Variants in PCDH9 observed in about 807,000 individuals in gnomAD.
The protein encoded by PCDH9 is protocadherin 9.
PCDH9 carries 24 observed loss-of-function variants against 70.6 expected under a neutral mutation model. That is an observed-to-expected ratio of 0.34 (90% CI 0.25 to 0.48). PCDH9 has a LOEUF of 0.48. Ranked by LOEUF, PCDH9 falls within the 20% of genes least tolerant of loss-of-function variation. The probability of loss-of-function intolerance (pLI) is 0.99; values close to 1 mark genes in which losing one functional copy is unlikely to be tolerated. For missense variants in PCDH9, 1,281 were observed against 1,503.6 expected (o/e 0.85, Z 2.45); for synonymous variants, 562 against 558.5 (o/e 1.01, Z -0.09).
intron 4 of PCDH9, among the ~76,000 whole-genome samples, chr13:66,370,509 A>G (rs1274622360): frequency 7.0e-6 from 1 of 143,228 alleles, no homozygotes; most frequent in Non-Finnish European, 1.5e-5. Flanking sequence ...TTATTTATGT[A>G]TTCATTTTTT....
intron 4 of PCDH9, among the ~76,000 whole-genome samples, chr13:66,482,250 G>A (rs941757509): frequency 4.6e-5 from 7 of 152,276 alleles, no homozygotes; most frequent in Middle Eastern, 3.4e-3. Context: ...AGAGCCAGTC[G>A]CTTTCTTCTT....
intron 3 of PCDH9, among the ~76,000 whole-genome samples, chr13:66,639,159 C>T (rs1199225505): frequency 6.6e-6 from 1 of 152,180 alleles, no homozygotes; most frequent in Non-Finnish European, 1.5e-5. Context: ...TTTGTCTGCA[C>T]TCTACTTACT....
At chr13:66,319,661 G>A (rs914584129) in intron 4 of PCDH9, among the ~76,000 whole-genome samples, 1 of 151,994 alleles carries the variant, frequency 6.6e-6, no homozygotes, top group Non-Finnish European at 1.5e-5. Flanking sequence ...GCCTGAAGGG[G>A]CAAAAGGAGG....
At chr13:66,883,236 A>T (rs544245761) in intron 3 of PCDH9, among the ~76,000 whole-genome samples, 2 of 152,286 alleles carry the variant, frequency 1.3e-5, no homozygotes, top group Non-Finnish European at 2.9e-5. Flanking sequence ...AGGTGAAAAT[A>T]ATAATTTAAC....
intron 2 of PCDH9, among the ~76,000 whole-genome samples, chr13:67,137,778 C>T (rs998187143): frequency 1.3e-5 from 2 of 151,954 alleles, no homozygotes; most frequent in African/African-American, 4.8e-5. Flanking sequence ...GTTGCTTGGC[C>T]TAAAAATGTC....
At chr13:66,788,931 A>G (rs1012381266) in intron 3 of PCDH9, among the ~76,000 whole-genome samples, 1 of 151,996 alleles carries the variant, frequency 6.6e-6, no homozygotes, top group Admixed American at 6.6e-5. Context: ...CTAAAAATCC[A>G]CTTGATTTAA....
chr13:66,693,399 C>A (rs1249901509), intron 3 of PCDH9, among the ~76,000 whole-genome samples: 1 of 151,636 alleles, frequency 6.6e-6, no homozygotes, highest in Non-Finnish European at 1.5e-5. Context: ...AACCCACAGA[C>A]AAAAATAGAA....
At chr13:66,486,936 C>A (rs574554610) in intron 4 of PCDH9, among the ~76,000 whole-genome samples, 1 of 152,244 alleles carries the variant, frequency 6.6e-6, no homozygotes, top group East Asian at 1.9e-4. Flanking sequence ...GCATACCTGC[C>A]ACTAAATATA....
At chr13:67,184,797 G>C (rs2138495205) in intron 2 of PCDH9, among the ~76,000 whole-genome samples, 1 of 152,246 alleles carries the variant, frequency 6.6e-6, no homozygotes, top group East Asian at 1.9e-4. Flanking sequence ...TTGGATCTTA[G>C]TAAATAAAAC....
chr13:66,651,919 C>T (rs58845952), intron 3 of PCDH9, among the ~76,000 whole-genome samples: 1,862 of 152,130 alleles, frequency 0.012, 38 homozygotes, highest in African/African-American at 0.042. Context: ...CCATAACATC[C>T]TTTCAACTGG....
intron 4 of PCDH9, among the ~76,000 whole-genome samples, chr13:66,488,104 C>G (rs576400660): frequency 6.6e-6 from 1 of 152,158 alleles, no homozygotes; most frequent in Non-Finnish European, 1.5e-5. Flanking sequence ...TTTAAAACCA[C>G]TGAGATTTTA....
intron 2 of PCDH9, among the ~76,000 whole-genome samples, chr13:66,943,010 T>C (rs1265684566): frequency 6.6e-6 from 1 of 151,330 alleles, no homozygotes; most frequent in African/African-American, 2.4e-5. Flanking sequence ...GAGGCTTTAC[T>C]TAACCTTATT....
chr13:66,570,325 T>C (rs1012157823), intron 4 of PCDH9, among the ~76,000 whole-genome samples: 5 of 152,052 alleles, frequency 3.3e-5, no homozygotes, highest in African/African-American at 1.2e-4. Context: ...GATTCCGGTG[T>C]TGGAACTGTT....
chr13:66,636,080 T>A (rs945104861), intron 3 of PCDH9, among the ~76,000 whole-genome samples: 3 of 152,168 alleles, frequency 2.0e-5, no homozygotes, highest in Admixed American at 2.0e-4. Context: ...TTAATGTGTA[T>A]GTATGTGTGA....
intron 2 of PCDH9, among the ~76,000 whole-genome samples, chr13:67,109,421 G>T (rs1218784633): frequency 6.6e-6 from 1 of 152,096 alleles, no homozygotes; most frequent in East Asian, 1.9e-4. Context: ...CACGTAGTTT[G>T]GCATATTTCA....
At chr13:66,897,970 TAACTC>T (rs1388862431) in intron 3 of PCDH9, among the ~76,000 whole-genome samples, 5 of 152,084 alleles carry the variant, frequency 3.3e-5, no homozygotes, top group Non-Finnish European at 7.4e-5. Flanking sequence ...TGTCAGGACT[TAACTC>T]TAACAATTCT....
chr13:67,054,916 A>C (rs2085389418), intron 2 of PCDH9, among the ~76,000 whole-genome samples: 1 of 152,188 alleles, frequency 6.6e-6, no homozygotes, highest in Non-Finnish European at 1.5e-5. Context: ...AAATGAGAGA[A>C]TATGTTGGGC....
intron 4 of PCDH9, among the ~76,000 whole-genome samples, chr13:66,521,683 A>AT (rs747362867): frequency 2.0e-5 from 3 of 152,132 alleles, no homozygotes; most frequent in Non-Finnish European, 2.9e-5. Context: ...AAAACATGTG[A>AT]TTCAATCCTC....
chr13:66,858,417 T>A (rs758125623), intron 3 of PCDH9, among the ~76,000 whole-genome samples: 1 of 152,170 alleles, frequency 6.6e-6, no homozygotes. Flanking sequence ...ACAAGTGGCC[T>A]GTATTTCTGT....
Sources: gnomAD v4.1 joint callset for allele counts (sites outside exome capture counted in the v4.1 genomes callset) on GRCh38, gnomAD v4.1.1 for gene constraint, MANE v1.5 for transcripts, NCBI Gene and HGNC (gene_info 2026-07-23, HGNC 2026-07-21) for gene names.